Variants in AKR1C8 observed in about 807,000 individuals in gnomAD.
The protein encoded by AKR1C8 is aldo-keto reductase family 1 member C-like protein 1.
chr10:5,147,535 AC>A, the AKR1C8 span, among the ~76,000 whole-genome samples: 4 of 150,848 alleles, frequency 2.7e-5, no homozygotes, highest in Non-Finnish European at 4.4e-5. Context: ...TAAAAAATTA[AC>A]CAAAAAAAAA....
the AKR1C8 span, among the ~76,000 whole-genome samples, chr10:5,120,111 A>C: frequency 6.6e-6 from 1 of 152,210 alleles, no homozygotes; most frequent in Non-Finnish European, 1.5e-5. Context: ...AAACCACTTA[A>C]GGCAATCTTA....
At chr10:5,148,423 G>GT in the AKR1C8 span, among the ~76,000 whole-genome samples, 1 of 152,236 alleles carries the variant, frequency 6.6e-6, no homozygotes, top group South Asian at 2.1e-4. Context: ...TTTTGGCAAG[G>GT]TTGAGGACAC....
chr10:5,177,074 T>A, the AKR1C8 span, among the ~76,000 whole-genome samples: 3 of 152,164 alleles, frequency 2.0e-5, no homozygotes, highest in Non-Finnish European at 4.4e-5. Context: ...AAGGGAATGC[T>A]TCCAGTTTTT....
the AKR1C8 span, among the ~76,000 whole-genome samples, chr10:5,140,082 C>A: frequency 6.6e-6 from 1 of 152,076 alleles, no homozygotes; most frequent in Non-Finnish European, 1.5e-5. Flanking sequence ...AAATGCAAAT[C>A]AAAACCACAA....
chr10:5,184,092 A>G, the AKR1C8 span, among the ~76,000 whole-genome samples: 2 of 152,134 alleles, frequency 1.3e-5, no homozygotes, highest in Admixed American at 6.5e-5. Flanking sequence ...TCCTGGGCCA[A>G]GGTCCCAGGC....
the AKR1C8 span, among the ~76,000 whole-genome samples, chr10:5,174,126 C>T: frequency 6.6e-6 from 1 of 151,660 alleles, no homozygotes; most frequent in Non-Finnish European, 1.5e-5. Flanking sequence ...TTATTAGGCC[C>T]TAGAAACTGC....
chr10:5,150,315 T>G, the AKR1C8 span, among the ~76,000 whole-genome samples: 1 of 152,082 alleles, frequency 6.6e-6, no homozygotes, highest in Non-Finnish European at 1.5e-5. Flanking sequence ...ATGACAAAAT[T>G]CTTAGGATAG....
the AKR1C8 span, among the ~76,000 whole-genome samples, chr10:5,127,717 T>C: frequency 1.7e-5 from 1 of 58,840 alleles, no homozygotes. Flanking sequence ...AAAGCAAGAC[T>C]CTGTCAAAAA....
the AKR1C8 span, among the ~76,000 whole-genome samples, chr10:5,145,835 A>G: frequency 6.6e-6 from 1 of 152,158 alleles, no homozygotes; most frequent in Non-Finnish European, 1.5e-5. Flanking sequence ...TGACCCAGCC[A>G]TCCCATTACT....
chr10:5,146,016 C>T, the AKR1C8 span, among the ~76,000 whole-genome samples: 1 of 151,604 alleles, frequency 6.6e-6, no homozygotes, highest in Non-Finnish European at 1.5e-5. Flanking sequence ...TACTATGCAG[C>T]CATAAAAAAT....
At chr10:5,146,424 A>G in the AKR1C8 span, among the ~76,000 whole-genome samples, 1 of 152,162 alleles carries the variant, frequency 6.6e-6, no homozygotes, top group Admixed American at 6.6e-5. Flanking sequence ...AAAGTTAAAA[A>G]AATTAGCTCA....
At chr10:5,178,799 C>G in the AKR1C8 span, among the ~76,000 whole-genome samples, 233 of 106,088 alleles carry the variant, frequency 2.2e-3, 2 homozygotes, top group Admixed American at 4.2e-3. Flanking sequence ...GGATTGCAAC[C>G]CCTGCCTTTT....
At chr10:5,115,961 G>T in the AKR1C8 span, among the ~76,000 whole-genome samples, 1 of 152,064 alleles carries the variant, frequency 6.6e-6, no homozygotes, top group Non-Finnish European at 1.5e-5. Context: ...TACCCAGTAT[G>T]CATACCTATG....
chr10:5,141,767 A>G, the AKR1C8 span, among the ~76,000 whole-genome samples: 2 of 152,180 alleles, frequency 1.3e-5, no homozygotes, highest in African/African-American at 2.4e-5. Flanking sequence ...TATTTTAAAC[A>G]GTAGACTTGA....
chr10:5,161,344 T>C, the AKR1C8 span, among the ~76,000 whole-genome samples: 1 of 152,144 alleles, frequency 6.6e-6, no homozygotes, highest in African/African-American at 2.4e-5. Context: ...TCAGAAGTGC[T>C]CAGCCAACGT....
chr10:5,133,038 G>T, the AKR1C8 span, among the ~76,000 whole-genome samples: 1 of 151,990 alleles, frequency 6.6e-6, no homozygotes, highest in African/African-American at 2.4e-5. Flanking sequence ...TCATTTGTTG[G>T]ACAAATTAAC....
the AKR1C8 span, among the ~76,000 whole-genome samples, chr10:5,130,133 A>G: frequency 2.6e-5 from 4 of 151,880 alleles, no homozygotes; most frequent in African/African-American, 9.7e-5. Context: ...GTCAATAAAT[A>G]TGATATATAA....
the AKR1C8 span, among the ~76,000 whole-genome samples, chr10:5,150,329 T>A: frequency 6.6e-6 from 1 of 152,206 alleles, no homozygotes; most frequent in African/African-American, 2.4e-5. Context: ...AGGATAGCCA[T>A]GATCAAAGAC....
the AKR1C8 span, among the ~76,000 whole-genome samples, chr10:5,178,889 G>A: frequency 4.0e-4 from 60 of 151,798 alleles, no homozygotes; most frequent in South Asian, 6.2e-4. Context: ...CATGAGATGC[G>A]TTTCCTGAAT....
Sources: allele counts gnomAD v4.1 joint callset (sites outside exome capture counted in the v4.1 genomes callset), GRCh38; gene constraint gnomAD v4.1.1; transcripts MANE v1.5; gene names NCBI Gene and HGNC (gene_info 2026-07-23, HGNC 2026-07-21).